Variants in RBM11 observed in about 807,000 individuals in gnomAD.
The protein encoded by RBM11 is splicing regulator RBM11.
In RBM11, 18 loss-of-function variants were observed where a neutral mutation model predicts 21.4. The ratio of observed to expected loss-of-function variants is 0.84; its 90% CI spans 0.58 to 1.25. The LOEUF (loss-of-function observed/expected upper bound fraction) is 1.25, where lower values mean the gene tolerates loss of function less well. Ranked by LOEUF, RBM11 falls within the 50% of genes most tolerant of loss-of-function variation. The probability of loss-of-function intolerance (pLI) is 0.00; values close to 1 mark genes in which losing one functional copy is unlikely to be tolerated. For synonymous variants in RBM11, 120 were observed against 116.3 expected, an observed-to-expected ratio of 1.03 and a Z score of -0.20; for missense variants, 294 against 331.9, an observed-to-expected ratio of 0.89 and a Z score of 0.89.
At position 14,219,659 on chromosome 21, in the gene RBM11, T is replaced by C. The variant is rs762192134; in HGVS notation, c.193T>C (p.Tyr65His). ...VCFKHPESVS[Y>H]AIALLNGIRL... Reference sequence around the variant, plus strand: ...CTTTAAACACCCAGAATCGGTGTCTTATGCCATAGCTTTGCTGAATGGAAT... The same window carrying C: ...CTTTAAACACCCAGAATCGGTGTCTCATGCCATAGCTTTGCTGAATGGAAT... The change falls in exon 2 of 5, where the codon TAT becomes CAT. Residue 65 changes from tyrosine (Y) to histidine (H), a missense_variant. Around this residue, in one of 2 missense-constraint regions of RBM11, gnomAD observed 181 missense variants for 164.6 expected, o/e 1.10. Coordinates refer to ENST00000400577, the MANE Select transcript of RBM11 (RefSeq NM_144770.5). 6.2e-7 allele frequency: 1 copy of C among 1,609,052 alleles called. No homozygotes were observed. The highest frequency in any genetic ancestry group is 8.5e-7 in the Non-Finnish European group (1 of 1,176,584).
Position 14,226,903 on chromosome 21 carries a change from G to A in RBM11, c.456G>A (p.Val152=), listed in dbSNP as rs1328497847. 1.9e-6 allele frequency: 3 copies of A among 1,613,356 alleles called. No homozygotes were observed. The highest frequency in any genetic ancestry group is 1.3e-5 in the African/African-American group (1 of 74,936). ...AGCAGTGGCATGTGTATAATCCAGT[G>A]CTGCAGCTTCCTTACTATGAAATGA... ...QKMQWHVYNP[V]LQLPYYEMTA... The change falls in exon 5 of 5, where the codon GTG becomes GTA. Residue 152 remains valine (V), a synonymous_variant. Coordinates refer to ENST00000400577, the MANE Select transcript of RBM11 (RefSeq NM_144770.5).
chr21:14,225,001 C>A (rs1319829920), intron 4 of RBM11, among the ~76,000 whole-genome samples: 1 of 151,950 alleles, frequency 6.6e-6, no homozygotes, highest in Admixed American at 6.6e-5. Context: ...ACACCCGTAA[C>A]CCCAGCTACT....
At chr21:14,216,371 C>T (rs945418432) in intron 1 of RBM11, 89 bp downstream of exon 1, 1 of 1,066,820 alleles carries the variant, frequency 9.4e-7, no homozygotes, top group South Asian at 1.4e-5. Context: ...GCCCGGCCCC[C>T]TTCCGTCCCA....
chr21:14,224,664 C>G, intron 4 of RBM11, 127 bp downstream of exon 4: 1 of 1,307,372 alleles, frequency 7.6e-7, no homozygotes. Flanking sequence ...CCAGCACTGT[C>G]CTCCAGTGGT....
chr21:14,216,331 G>A (rs1436027349), intron 1 of RBM11, 49 bp downstream of exon 1: 2 of 1,537,612 alleles, frequency 1.3e-6, no homozygotes, highest in Non-Finnish European at 1.8e-6. Context: ...CGTCGGGCCG[G>A]AAACATAGCG....
At position 14,216,274 on chromosome 21, in the gene RBM11, T is replaced by C; in HGVS notation, c.88T>C (p.Phe30Leu). Residue 30 changes from phenylalanine (F) to leucine (L), a missense_variant, in exon 1 of 5, where the codon TTC becomes CTC. Physicochemically the swap from Phe to Leu is conservative, Grantham distance 22 (BLOSUM62 0). This residue lies in a region of RBM11 where 181 missense variants were observed against 164.6 expected (regional missense o/e 1.10). Transcript: ENST00000400577. ...RVREEILYELFLQAGPLTKVT... is the reference protein window; with the variant it reads ...RVREEILYELLLQAGPLTKVT... ...TCGGGAAGAGATTCTGTACGAGCTG[T>C]TCCTTCAGGTACCGTCTCTGGGAAG... The C allele has an allele frequency of 1.2e-6, 2 of 1,613,350 alleles. No homozygotes were observed. Among genetic ancestry groups the C allele is most frequent in the Non-Finnish European group, 1.7e-6 (2 of 1,179,600 alleles).
At chr21:14,220,985 A>T in intron 2 of RBM11, 112 bp from the exon 3 acceptor site, 1 of 1,096,242 alleles carries the variant, frequency 9.1e-7, no homozygotes, top group Non-Finnish European at 1.3e-6. Flanking sequence ...TGAGTACAGA[A>T]TTTTAAAATC....
intron 1 of RBM11, 76 bp downstream of exon 1, chr21:14,216,358 G>T (rs959628276): frequency 3.5e-5 from 44 of 1,254,204 alleles, no homozygotes; most frequent in Non-Finnish European, 4.0e-5. Flanking sequence ...TGGACCACCC[G>T]GAGCCCGGCC....
In RBM11 at chr21:14,227,146, C is replaced by A. The variant is rs776550397; in HGVS notation, c.699C>A (p.His233Gln). ...GACCCAGCTCATATAAATGGACTCA[C>A]CAACAACCAAGTGACTCTGACCTTT... ...EAGPSSYKWT[H>Q]QQPSDSDLYQ... Residue 233 changes from histidine (H) to glutamine (Q), a missense_variant, in exon 5 of 5, where the codon CAC becomes CAA. This residue lies in a region of RBM11 where 113 missense variants were observed against 167.3 expected (regional missense o/e 0.68). Transcript: ENST00000400577. The A allele has an allele frequency of 7.4e-6, 12 of 1,613,932 alleles. No homozygotes were observed. The highest frequency in any genetic ancestry group is 1.7e-5 in the Admixed American group (1 of 60,020).
chr21:14,223,069 A>C (rs1049892050), intron 3 of RBM11, among the ~76,000 whole-genome samples: 2 of 152,210 alleles, frequency 1.3e-5, no homozygotes, highest in Admixed American at 6.5e-5. Context: ...CTAGATGGGC[A>C]CTAGAATATA....
chr21:14,227,543 A>G lies in RBM11; in HGVS notation c.*250A>G. 2.3e-6 allele frequency: 1 copy of G among 443,084 alleles called. No individual in the cohort carries two copies. Among genetic ancestry groups the G allele is most frequent in the East Asian group, 4.0e-5 (1 of 25,080 alleles). 27.4% of individuals were successfully genotyped at this position (443,084 alleles called of 1,614,324 possible). ...CATTGGCAACAAATAGACTATTGTCATTTTATTAGTACCAATGATGAAATT... is the reference window on the plus strand; with the variant it reads ...CATTGGCAACAAATAGACTATTGTCGTTTTATTAGTACCAATGATGAAATT... On this transcript the variant is annotated 3_prime_UTR_variant, in exon 5 of 5. Coordinates refer to ENST00000400577, the MANE Select transcript of RBM11 (RefSeq NM_144770.5).
intron 4 of RBM11, 72 bp from the exon 5 acceptor site, chr21:14,226,808 C>T: frequency 6.5e-7 from 1 of 1,535,448 alleles, no homozygotes; most frequent in Non-Finnish European, 8.8e-7. Flanking sequence ...TTGTATAATA[C>T]ATGTAAACTG....
chr21:14,225,660 TA>T (rs71183413), intron 4 of RBM11, among the ~76,000 whole-genome samples: 61,374 of 149,486 alleles, frequency 0.41, 12,601 homozygotes, highest in South Asian at 0.5. Context: ...TAACTTTTGC[TA>T]AAAAAAAAAC....
chr21:14,216,239 A>G lies in RBM11; in HGVS notation c.53A>G (p.Glu18Gly). 6.2e-7 allele frequency: 1 copy of G among 1,613,834 alleles called. No individual in the cohort carries two copies. Among genetic ancestry groups the G allele is most frequent in the Non-Finnish European group, 8.5e-7 (1 of 1,179,810 alleles). ...AGGACCGTGTTTGTTGGGAATTTAG[A>G]GGCCCGAGTTCGGGAAGAGATTCTG... Reference protein sequence around the residue: ...ADRTVFVGNLEARVREEILYE... With the variant: ...ADRTVFVGNLGARVREEILYE... The change falls in exon 1 of 5, where the codon GAG (glutamate) becomes GGG (glycine). Residue 18 changes from glutamate (E) to glycine (G), a missense_variant. Physicochemically the swap from Glu to Gly is moderately conservative, Grantham distance 98 (BLOSUM62 -2). This residue lies in a region of RBM11 where 181 missense variants were observed against 164.6 expected (regional missense o/e 1.10). Coordinates refer to ENST00000400577, the MANE Select transcript of RBM11 (RefSeq NM_144770.5).
chr21:14,221,226 G>T, intron 3 of RBM11, 57 bp downstream of exon 3: 1 of 1,483,508 alleles, frequency 6.7e-7, no homozygotes, highest in South Asian at 1.4e-5. Flanking sequence ...TATGCCAAGA[G>T]GAGTTTTTAT....
rs1166618508 is a variant in RBM11 at position 14,224,448 on chromosome 21, ATGT to A, written c.346_348del (p.Leu116del). On this transcript the variant is annotated inframe_deletion, in exon 4 of 5. Transcript: ENST00000400577. ...TTCATCTCCTCAAAGGAATGAAGAA[ATGT>A]TGGTGGGCAGATCTTCCTTTCCCAT... The A allele has an allele frequency of 6.4e-7, 1 of 1,558,186 alleles. No homozygotes were observed. Among genetic ancestry groups the A allele is most frequent in the Admixed American group, 1.9e-5 (1 of 51,714 alleles).
At chr21:14,219,119 A>G (rs1345795255) in intron 1 of RBM11, among the ~76,000 whole-genome samples, 1 of 152,206 alleles carries the variant, frequency 6.6e-6, no homozygotes, top group Non-Finnish European at 1.5e-5. Context: ...TTTAATCTTC[A>G]TGACAGAAAA....
rs372705714 is a variant in RBM11 at position 14,227,049 on chromosome 21, A to G, written c.602A>G (p.Gln201Arg). ...HQQPSDSDLY[Q>R]MTAPLPNSAS... ...CAACCAAGTGACTCTGACCTTTATC[A>G]GATGACAGCTCCACTTCCTAATAGT... The change falls in exon 5 of 5, where the codon CAG (glutamine) becomes CGG (arginine). Residue 201 changes from glutamine to arginine, a missense_variant. Physicochemically the swap from Gln to Arg is conservative, Grantham distance 43. Coordinates refer to ENST00000400577, the MANE Select transcript of RBM11 (RefSeq NM_144770.5). 58 of 1,613,484 alleles carry G rather than the reference A, an allele frequency of 3.6e-5. No homozygotes were observed. Among genetic ancestry groups the G allele is most frequent in the Non-Finnish European group, 4.5e-5 (53 of 1,179,644 alleles).
intron 3 of RBM11, among the ~76,000 whole-genome samples, chr21:14,222,708 AG>A (rs1978773789): frequency 6.6e-6 from 1 of 152,226 alleles, no homozygotes; most frequent in African/African-American, 2.4e-5. Flanking sequence ...ATTAACAGTC[AG>A]TTAACACTAT....
Sources: allele counts gnomAD v4.1 joint callset (sites outside exome capture counted in the v4.1 genomes callset), GRCh38; gene constraint gnomAD v4.1.1; regional missense constraint gnomAD v4.1.1; transcripts MANE v1.5; gene names NCBI Gene and HGNC (gene_info 2026-07-23, HGNC 2026-07-21).